RAB25: variants seen among roughly 807,000 people sequenced by gnomAD.
RAB25 encodes the protein RAB25, member RAS oncogene family.
Under a neutral mutation model 25.2 loss-of-function variants are expected in RAB25, and 23 were observed. That is an observed-to-expected ratio of 0.91 (90% confidence interval 0.66 to 1.29). RAB25 has a LOEUF of 1.29. Ranked by LOEUF, RAB25 falls within the 50% of genes most tolerant of loss-of-function variation. RAB25 has a pLI of 0.00. For missense variants in RAB25, 244 were observed against 277.3 expected, an observed-to-expected ratio of 0.88 and a Z score of 0.85; for synonymous variants, 102 against 111.5, an observed-to-expected ratio of 0.91 and a Z score of 0.54.
chr1:156,062,819 C>T (rs967728501), intron 1 of RAB25, among the ~76,000 whole-genome samples: 19 of 151,878 alleles, frequency 1.3e-4, no homozygotes, highest in South Asian at 2.1e-4. Context: ...TTTGGGAGGC[C>T]GAGGCGGCGG....
intron 1 of RAB25, among the ~76,000 whole-genome samples, chr1:156,065,476 G>T (rs955250555): frequency 2.0e-5 from 3 of 151,914 alleles, no homozygotes; most frequent in African/African-American, 7.3e-5. Flanking sequence ...CCTCCCACTT[G>T]TCCTCCCAGC....
At chr1:156,068,496 C>G in intron 3 of RAB25, 33 bp downstream of exon 3, 3 of 1,596,818 alleles carry the variant, frequency 1.9e-6, no homozygotes, top group Non-Finnish European at 2.6e-6. Context: ...GCTGACTCCT[C>G]CAAGCTTAGC....
chr1:156,069,841 A>G (rs994340609), intron 4 of RAB25, 90 bp downstream of exon 4: 1 of 1,204,676 alleles, frequency 8.3e-7, no homozygotes, highest in Admixed American at 1.7e-5. Context: ...CCCTCACCCC[A>G]GCTAATTTCT....
rs1436927508 is a variant in RAB25 at position 156,068,351 on chromosome 1, G to A, written c.321G>A (p.Leu107=). The A allele has an allele frequency of 1.2e-6, 2 of 1,614,158 alleles. No homozygotes were observed. Among genetic ancestry groups the A allele is most frequent in the Non-Finnish European group, 8.5e-7 (1 of 1,180,018 alleles). The change falls in exon 3 of 5, where the codon CTG becomes CTA. Residue 107 remains leucine (L), a synonymous_variant. Transcript: ENST00000361084. The part of the protein sequence containing the change: ...HQTYAVVERW[L]KELYDHAEAT... The stretch of plus-strand genomic sequence containing the variant: ...CCTATGCTGTGGTGGAGCGATGGCT[G>A]AAGGAGCTCTATGACCATGCTGAAG...
In RAB25 at chr1:156,068,368, A is replaced by G; in HGVS notation, c.338A>G (p.His113Arg). 6.2e-7 allele frequency: 1 copy of G among 1,614,140 alleles called. No individual in the cohort carries two copies. Among genetic ancestry groups the G allele is most frequent in the South Asian group, 1.1e-5 (1 of 91,082 alleles). ...VERWLKELYD[H>R]AEATIVVMLV... ...CGATGGCTGAAGGAGCTCTATGACC[A>G]TGCTGAAGCCACGATCGTCGTCATG... The change falls in exon 3 of 5, where the codon CAT becomes CGT. Residue 113 changes from histidine to arginine, a missense_variant. Physicochemically the swap from His to Arg is conservative, Grantham distance 29. Transcript: ENST00000361084.
chr1:156,066,173 G>A (rs1647738889), intron 2 of RAB25, 67 bp downstream of exon 2: 2 of 1,373,264 alleles, frequency 1.5e-6, no homozygotes, highest in Non-Finnish European at 1.9e-6. Flanking sequence ...CACTTCTGGA[G>A]GAGAAGTGGG....
chr1:156,061,469 G>T (rs751393869), intron 1 of RAB25, 26 bp downstream of exon 1: 1 of 1,611,056 alleles, frequency 6.2e-7, no homozygotes, highest in Non-Finnish European at 8.5e-7. Flanking sequence ...TGAAGCAAGA[G>T]GAAGCCTGAG....
intron 3 of RAB25, among the ~76,000 whole-genome samples, chr1:156,069,276 G>C (rs1647838137): frequency 6.6e-6 from 1 of 152,010 alleles, no homozygotes; most frequent in South Asian, 2.1e-4. Context: ...CCACCTCCTG[G>C]GTTCAAGCAA....
chr1:156,066,355 G>C, intron 2 of RAB25: 1 of 368,794 alleles, frequency 2.7e-6, no homozygotes. Context: ...TATGTGCCCA[G>C]GAAGGGACAA....
At chr1:156,068,174 C>T in intron 2 of RAB25, 96 bp from the exon 3 acceptor site, 1 of 1,134,046 alleles carries the variant, frequency 8.8e-7, no homozygotes, top group Non-Finnish European at 1.3e-6. Flanking sequence ...ATCTCTAGTA[C>T]TCTGATCCCG....
chr1:156,065,927 A>G lies in RAB25; in HGVS notation c.60A>G (p.Glu20=), dbSNP rs765267247. 1.1e-5 allele frequency: 17 copies of G among 1,603,974 alleles called. No individual in the cohort carries two copies. Among genetic ancestry groups the G allele is most frequent in the Middle Eastern group, 3.3e-4 (2 of 6,040 alleles). ...CTCCTTCAGTGGTGCTGATCGGCGA[A>G]TCAGGTGTGGGGAAGACCAATCTAC... ...NFVFKVVLIG[E]SGVGKTNLLS... Residue 20 remains glutamate (E), a synonymous_variant, in exon 2 of 5, where the codon GAA becomes GAG. Transcript: ENST00000361084.
chr1:156,062,037 C>G (rs1647598786), intron 1 of RAB25, among the ~76,000 whole-genome samples: 1 of 152,170 alleles, frequency 6.6e-6, no homozygotes, highest in Non-Finnish European at 1.5e-5. Context: ...ACCTCGGCCT[C>G]CCAAAGTGCT....
intron 3 of RAB25, 67 bp downstream of exon 3, chr1:156,068,530 AGCCCCT>A: frequency 6.6e-7 from 1 of 1,510,984 alleles, no homozygotes; most frequent in Non-Finnish European, 9.0e-7. Context: ...GCAGTCTCCC[AGCCCCT>A]GCCCCCACCC....
chr1:156,069,750 A>G lies in RAB25; in HGVS notation c.513A>G (p.Lys171=). The change falls in exon 4 of 5, where the codon AAA becomes AAG. Residue 171 remains lysine (K), a splice_region_variant and synonymous_variant. Coordinates refer to ENST00000361084, the MANE Select transcript of RAB25 (RefSeq NM_020387.4). ...AGCTAGCCTTTGAGACTGTCCTGAA[A>G]GGTTAGAGCCTACCTTTATTCTGCA... ...NVELAFETVL[K]EIFAKVSKQR... The G allele has an allele frequency of 6.2e-7, 1 of 1,608,374 alleles. No homozygotes were observed. The highest frequency in any genetic ancestry group is 8.5e-7 in the Non-Finnish European group (1 of 1,174,848).
At chr1:156,066,169 TGGA>T (rs1647738835) in intron 2 of RAB25, 63 bp downstream of exon 2, 1 of 1,117,786 alleles carries the variant, frequency 8.9e-7, no homozygotes, top group East Asian at 4.9e-5. Flanking sequence ...GGAACACTTC[TGGA>T]GGAGAAGTGG....
intron 2 of RAB25, 165 bp from the exon 3 acceptor site, chr1:156,068,105 G>T (rs1647795610): frequency 8.4e-6 from 5 of 596,978 alleles, no homozygotes; most frequent in South Asian, 7.7e-5. Flanking sequence ...GAAGGCAGAG[G>T]AGCCTTGGGC....
At position 156,066,084 on chromosome 1, in the gene RAB25, C is replaced by T. The variant is rs756506665; in HGVS notation, c.217C>T (p.Arg73Trp). 54 of 1,597,302 alleles carry T rather than the reference C, an allele frequency of 3.4e-5. No homozygotes were observed. The East Asian group carries it at 1.0e-3, about 31-fold the overall frequency. Reference protein sequence around the residue: ...AQIWDTAGLERYRAITSAYYR... With the variant: ...AQIWDTAGLEWYRAITSAYYR... ...GATCTGGGACACAGCTGGCCTGGAG[C>T]GGTACCGAGCCATCACCTCGGCGTG... The change falls in exon 2 of 5, where the codon CGG becomes TGG. Residue 73 changes from arginine (R) to tryptophan (W), a missense_variant. Arg to Trp is a moderately radical substitution (Grantham distance 101). Coordinates refer to ENST00000361084, the MANE Select transcript of RAB25 (RefSeq NM_020387.4).
chr1:156,069,218 G>A (rs1320559503), intron 3 of RAB25, among the ~76,000 whole-genome samples: 8 of 152,032 alleles, frequency 5.3e-5, no homozygotes, highest in African/African-American at 7.2e-5. Context: ...GTCTCGCTCC[G>A]TCACCCAGGC....
rs377745191 is a variant in RAB25, at chr1:156,069,792, G to C, written c.514+41G>C. 7.8e-6 allele frequency: 12 copies of C among 1,535,568 alleles called. No individual in the cohort carries two copies. The East Asian group carries it at 1.8e-4, about 23-fold the overall frequency. On this transcript the variant is annotated intron_variant, in intron 4 of 4. Transcript: ENST00000361084. Reference sequence around the variant, plus strand: ...TATTCTGCACCCCTATTCCATCCCCGTGGCTTCTACAGGCAGCAGTAGGAA... The same window carrying C: ...TATTCTGCACCCCTATTCCATCCCCCTGGCTTCTACAGGCAGCAGTAGGAA...
Sources: gnomAD v4.1 joint callset for allele counts (sites outside exome capture counted in the v4.1 genomes callset) on GRCh38, gnomAD v4.1.1 for gene constraint, MANE v1.5 for transcripts, NCBI Gene and HGNC (gene_info 2026-07-23, HGNC 2026-07-21) for gene names.